The following KLHL13 variants were observed in gnomAD, a reference collection of about 807,000 sequenced individuals.
KLHL13 encodes kelch like family member 13.
A neutral mutation model predicts 37.1 loss-of-function variants in KLHL13; 10 were observed. The ratio of observed to expected loss-of-function variants is 0.27; its 90% CI spans 0.17 to 0.46. The LOEUF (loss-of-function observed/expected upper bound fraction) is 0.46. KLHL13 is among the 20% of genes least tolerant of loss of function. The pLI is 1.00. For missense variants in KLHL13, 360 were observed against 509.3 expected (o/e 0.71, Z 2.82); for synonymous variants, 163 against 181.2 (o/e 0.90, Z 0.81).
chrX:117,968,771 GTTTTC>G (rs898186801), intron 1 of KLHL13, among the ~76,000 whole-genome samples: 1 of 111,103 alleles, frequency 9.0e-6, no homozygotes, highest in African/African-American at 3.3e-5. Flanking sequence ...TAACCACAAA[GTTTTC>G]TTTTATTTAC....
intron 1 of KLHL13, among the ~76,000 whole-genome samples, chrX:118,109,959 A>C (rs967721332): frequency 1.8e-5 from 2 of 111,629 alleles, no homozygotes; most frequent in Admixed American, 1.9e-4. Flanking sequence ...GGATCACTTG[A>C]GGCCAGGGGT....
intron 1 of KLHL13, among the ~76,000 whole-genome samples, chrX:118,007,003 C>T (rs2053991285): frequency 9.0e-6 from 1 of 111,343 alleles, no homozygotes; most frequent in African/African-American, 3.3e-5. Flanking sequence ...AAATAATTAT[C>T]GCTCCCTAGA....
At chrX:118,058,301 T>C (rs994521540) in intron 1 of KLHL13, among the ~76,000 whole-genome samples, 1 of 110,592 alleles carries the variant, frequency 9.0e-6, no homozygotes, top group Non-Finnish European at 1.9e-5. Context: ...ACTCCCCCCC[T>C]CATTTTTATT....
At chrX:118,071,037 G>A (rs997175957) in intron 1 of KLHL13, among the ~76,000 whole-genome samples, 1 of 110,302 alleles carries the variant, frequency 9.1e-6, no homozygotes, top group African/African-American at 3.3e-5. Flanking sequence ...ATAGTTTACT[G>A]AGAATGATGA....
At chrX:118,007,348 G>A (rs1367001381) in intron 1 of KLHL13, among the ~76,000 whole-genome samples, 1 of 97,740 alleles carries the variant, frequency 1.0e-5, no homozygotes, top group East Asian at 3.2e-4. Context: ...ACTCCAGCCT[G>A]GGCAACAGAA....
intron 1 of KLHL13, among the ~76,000 whole-genome samples, chrX:118,115,010 T>A (rs997603097): frequency 6.2e-5 from 7 of 112,269 alleles, no homozygotes; most frequent in Non-Finnish European, 9.4e-5. Context: ...CCTGGTTTCT[T>A]CTGAGATTGC....
chrX:118,056,276 G>C, intron 1 of KLHL13, among the ~76,000 whole-genome samples: 1 of 111,824 alleles, frequency 8.9e-6, no homozygotes, highest in African/African-American at 3.2e-5. Context: ...TTTATATTCT[G>C]GCAACTATAA....
chrX:117,988,272 G>C (rs1362739449), intron 1 of KLHL13, among the ~76,000 whole-genome samples: 2 of 112,121 alleles, frequency 1.8e-5, no homozygotes, highest in Non-Finnish European at 3.8e-5. Flanking sequence ...TCATATAATA[G>C]TGATTATGAT....
chrX:117,996,249 A>T (rs1602634829), intron 1 of KLHL13, among the ~76,000 whole-genome samples: 2 of 112,302 alleles, frequency 1.8e-5, no homozygotes, highest in South Asian at 3.7e-4. Context: ...TTTGTGTGAT[A>T]GTTGTTTTCT....
intron 1 of KLHL13, among the ~76,000 whole-genome samples, chrX:118,096,803 T>C (rs746590745): frequency 4.2e-4 from 47 of 111,786 alleles, no homozygotes; most frequent in African/African-American, 1.5e-3. Context: ...TAATCCAGCA[T>C]ATAAACAGAA....
intron 1 of KLHL13, among the ~76,000 whole-genome samples, chrX:118,098,842 G>A (rs1287930645): frequency 1.5e-4 from 15 of 101,141 alleles, no homozygotes; most frequent in Admixed American, 6.6e-4. Flanking sequence ...ACCAAACACC[G>A]CATGTTCTCA....
At chrX:118,022,796 T>C (rs1259165220) in intron 1 of KLHL13, among the ~76,000 whole-genome samples, 1 of 112,049 alleles carries the variant, frequency 8.9e-6, no homozygotes, top group Admixed American at 9.5e-5. Context: ...GCCTTTTCGT[T>C]TTGTTTATTG....
intron 1 of KLHL13, among the ~76,000 whole-genome samples, chrX:118,036,624 C>T (rs375926902): frequency 9.0e-6 from 1 of 111,361 alleles, no homozygotes; most frequent in South Asian, 3.8e-4. Flanking sequence ...ATGTTAGACC[C>T]AAAACCATAA....
At chrX:117,926,210 TAAG>T (rs1932008836) in intron 2 of KLHL13, among the ~76,000 whole-genome samples, 1 of 111,608 alleles carries the variant, frequency 9.0e-6, no homozygotes, top group Non-Finnish European at 1.9e-5. Context: ...CTGTGAAAGA[TAAG>T]AAACAAATTG....
intron 1 of KLHL13, among the ~76,000 whole-genome samples, chrX:118,035,576 A>G (rs2054427718): frequency 9.2e-6 from 1 of 108,777 alleles, no homozygotes; most frequent in East Asian, 2.8e-4. Context: ...TAAATTAGGT[A>G]TTGATGAGAC....
chrX:118,075,379 G>T (rs1333707909), intron 1 of KLHL13, among the ~76,000 whole-genome samples: 1 of 112,140 alleles, frequency 8.9e-6, no homozygotes, highest in Non-Finnish European at 1.9e-5. Flanking sequence ...AATAGCATTA[G>T]CAGTATTTCT....
intron 1 of KLHL13, among the ~76,000 whole-genome samples, chrX:118,003,349 A>AT (rs66923005): frequency 2.7e-5 from 3 of 111,135 alleles, no homozygotes; most frequent in Non-Finnish European, 5.7e-5. Flanking sequence ...ATCCTGTCTC[A>AT]TTTTTTTTAA....
At chrX:118,109,104 C>T (rs2055378727) in intron 1 of KLHL13, among the ~76,000 whole-genome samples, 1 of 112,147 alleles carries the variant, frequency 8.9e-6, no homozygotes, top group Admixed American at 9.4e-5. Context: ...GAGTGAGCCA[C>T]TGCGTCAGGC....
At chrX:117,984,650 T>C (rs1156466047) in intron 1 of KLHL13, among the ~76,000 whole-genome samples, 1 of 111,512 alleles carries the variant, frequency 9.0e-6, no homozygotes, top group Non-Finnish European at 1.9e-5. Context: ...GACAGTACTA[T>C]TTGAAAGTAT....
Sources: allele counts gnomAD v4.1 joint callset (sites outside exome capture counted in the v4.1 genomes callset), GRCh38; gene constraint gnomAD v4.1.1; transcripts MANE v1.5; gene names NCBI Gene and HGNC (gene_info 2026-07-23, HGNC 2026-07-21).